The following EYA2 variants were observed in gnomAD, a reference collection of about 807,000 sequenced individuals.
The protein encoded by EYA2 is EYA transcriptional coactivator and phosphatase 2.
EYA2 carries 31 observed loss-of-function variants against 69.2 expected under a neutral mutation model. The ratio of observed to expected loss-of-function variants is 0.45; its 90% CI spans 0.34 to 0.60. The LOEUF is 0.60. Ranked by LOEUF, EYA2 falls within the 20% of genes least tolerant of loss-of-function variation. The pLI, the probability that EYA2 is intolerant of heterozygous loss-of-function variation, is 0.02. For missense variants in EYA2, 622 were observed against 701.2 expected (o/e 0.89, Z 1.28); for synonymous variants, 257 against 279.4 (o/e 0.92, Z 0.80).
intron 5 of EYA2, among the ~76,000 whole-genome samples, chr20:47,064,330 G>A (rs771120871): frequency 6.6e-6 from 1 of 152,174 alleles, no homozygotes; most frequent in East Asian, 1.9e-4. Context: ...CCTCTTTATG[G>A]CGGAATAATA....
chr20:46,941,579 C>T (rs1333296), intron 1 of EYA2, among the ~76,000 whole-genome samples: 1,746 of 152,280 alleles, frequency 0.011, 43 homozygotes, highest in African/African-American at 0.04. Flanking sequence ...AAGGCTCTGA[C>T]ATTTACCTGC....
chr20:46,950,075 C>T (rs1387248343), intron 1 of EYA2, among the ~76,000 whole-genome samples: 2 of 152,218 alleles, frequency 1.3e-5, no homozygotes, highest in Non-Finnish European at 2.9e-5. Context: ...CAACACAGTG[C>T]CTGGCACAGA....
intron 1 of EYA2, among the ~76,000 whole-genome samples, chr20:46,987,010 T>C (rs915094914): frequency 6.6e-6 from 1 of 152,204 alleles, no homozygotes; most frequent in African/African-American, 2.4e-5. Context: ...GATAAGGGCT[T>C]TCTTATTTAA....
In EYA2 at chr20:46,987,970, ATAT is replaced by A. The variant is rs1302347405; in HGVS notation, c.-10-2030_-10-2028del. 8.8e-4 allele frequency among the ~76,000 whole-genome samples: 23 copies of A among 26,126 alleles called. 1 individual carries two copies. Among genetic ancestry groups the A allele is most frequent in the Non-Finnish European group, 1.3e-3 (19 of 15,100 alleles). The allele number at this position is 26,126 out of a possible 152,430, so 17.1% of individuals were successfully genotyped here. A position where few individuals can be genotyped will look rare whatever the true frequency, so the allele number is the denominator to read the frequency against. Reference sequence around the variant, plus strand: ...TCTCTCTCTCTCTCTCTCTCTATATATATATATATATATATATATATATATATG... The same window carrying A: ...TCTCTCTCTCTCTCTCTCTCTATATAATATATATATATATATATATATATG... On this transcript the variant is annotated intron_variant, in intron 1 of 15. Coordinates refer to ENST00000327619, the MANE Select transcript of EYA2 (RefSeq NM_005244.5).
chr20:46,958,317 C>T (rs1047676482), intron 1 of EYA2, among the ~76,000 whole-genome samples: 4 of 152,080 alleles, frequency 2.6e-5, no homozygotes, highest in African/African-American at 9.7e-5. Flanking sequence ...AAACTTTAAC[C>T]AAACCTTGAA....
chr20:47,067,572 C>A (rs557396008), intron 5 of EYA2, among the ~76,000 whole-genome samples: 2 of 151,946 alleles, frequency 1.3e-5, no homozygotes, highest in Admixed American at 6.6e-5. Context: ...AATATATACA[C>A]CTAATATGTA....
intron 10 of EYA2, among the ~76,000 whole-genome samples, chr20:47,151,983 G>T (rs1275591092): frequency 6.6e-6 from 1 of 151,970 alleles, no homozygotes; most frequent in Non-Finnish European, 1.5e-5. Context: ...TTGTTTATGT[G>T]CCTTTGACTT....
chr20:47,049,261 C>G (rs1361948263), intron 5 of EYA2, among the ~76,000 whole-genome samples: 1 of 152,196 alleles, frequency 6.6e-6, no homozygotes, highest in Admixed American at 6.5e-5. Context: ...GGGCAGTGAT[C>G]AGAACTAGAA....
chr20:47,168,201 G>GGT (rs2034244902), intron 10 of EYA2, among the ~76,000 whole-genome samples: 1 of 150,724 alleles, frequency 6.6e-6, no homozygotes. Context: ...TTGTTTTTTT[G>GGT]TTTTTTTTGA....
At chr20:47,090,229 CTTTT>C (rs60732138) in intron 8 of EYA2, among the ~76,000 whole-genome samples, 3 of 122,068 alleles carry the variant, frequency 2.5e-5, no homozygotes, top group East Asian at 2.4e-4. Context: ...ATGCTCCAAT[CTTTT>C]TTTTTTTTTT....
intron 5 of EYA2, among the ~76,000 whole-genome samples, chr20:47,057,376 G>A (rs2030680356): frequency 6.6e-6 from 1 of 152,204 alleles, no homozygotes; most frequent in African/African-American, 2.4e-5. Flanking sequence ...TATGAAGCCT[G>A]GGATTTGTCC....
intron 1 of EYA2, among the ~76,000 whole-genome samples, chr20:46,976,091 C>T (rs989900436): frequency 2.3e-4 from 35 of 151,092 alleles, no homozygotes; most frequent in African/African-American, 7.0e-4. Context: ...CTGAGTGCGG[C>T]GGCTCATGCC....
chr20:47,153,003 G>A (rs1468940009), intron 10 of EYA2, among the ~76,000 whole-genome samples: 1 of 151,646 alleles, frequency 6.6e-6, no homozygotes, highest in Non-Finnish European at 1.5e-5. Flanking sequence ...AGCACTGTTT[G>A]CTTTTAGAGG....
intron 10 of EYA2, among the ~76,000 whole-genome samples, chr20:47,163,997 A>G (rs6018311): frequency 0.35 from 52,523 of 151,926 alleles, 9,400 homozygotes; most frequent in Non-Finnish European, 0.4. Context: ...CTGCCAGCAG[A>G]TGCCATTCAG....
chr20:47,085,320 G>T (rs2031860612), intron 7 of EYA2, among the ~76,000 whole-genome samples: 2 of 151,984 alleles, frequency 1.3e-5, no homozygotes, highest in Non-Finnish European at 2.9e-5. Context: ...AAATTCTGAT[G>T]TATCCATACA....
intron 5 of EYA2, among the ~76,000 whole-genome samples, chr20:47,059,567 T>C (rs1600677742): frequency 6.6e-6 from 1 of 152,196 alleles, no homozygotes; most frequent in South Asian, 2.1e-4. Context: ...GCCAGGCTGG[T>C]CTCGAACTCC....
chr20:47,186,257 G>A (rs2034637810), intron 15 of EYA2, among the ~76,000 whole-genome samples: 1 of 151,716 alleles, frequency 6.6e-6, no homozygotes, highest in African/African-American at 2.4e-5. Context: ...TCTGCCCCTG[G>A]CATCTTTATA....
rs2034162628 is a variant in EYA2 at position 47,165,494 on chromosome 20, G to A, written c.979-3645G>A. Among the ~76,000 whole-genome samples, 2 of 152,084 alleles carry A rather than the reference G, an allele frequency of 1.3e-5. 1 individual carries two copies. Among genetic ancestry groups the A allele is most frequent in the South Asian group, 4.1e-4 (2 of 4,822 alleles). On this transcript the variant is annotated intron_variant, in intron 10 of 15. Coordinates refer to ENST00000327619, the MANE Select transcript of EYA2 (RefSeq NM_005244.5). ...ATCTGCTTACTCCCATTTGCCCAGAGCTGACCCCTAGGAAGCCACCTGGGG... is the reference window on the plus strand; with the variant it reads ...ATCTGCTTACTCCCATTTGCCCAGAACTGACCCCTAGGAAGCCACCTGGGG...
At chr20:47,161,057 G>T in intron 10 of EYA2, 1 of 288,572 alleles carries the variant, frequency 3.5e-6, no homozygotes, top group South Asian at 4.3e-5. Flanking sequence ...GTGCAGCTGC[G>T]GCGTAGCAGT....
Sources: gnomAD v4.1 joint callset for allele counts (sites outside exome capture counted in the v4.1 genomes callset) on GRCh38, gnomAD v4.1.1 for gene constraint, MANE v1.5 for transcripts, NCBI Gene and HGNC (gene_info 2026-07-23, HGNC 2026-07-21) for gene names.